The following PLCE1 variants were observed in gnomAD, a reference collection of about 807,000 sequenced individuals.
PLCE1 encodes the protein phospholipase C epsilon 1.
PLCE1 carries 119 observed loss-of-function variants against 242.8 expected under a neutral mutation model. The observed-to-expected ratio is 0.49, with a 90% CI of 0.42 to 0.57. The LOEUF is 0.57. PLCE1 is among the 20% of genes least tolerant of loss of function. The pLI is 0.00. For synonymous variants in PLCE1, 945 were observed against 1,017.4 expected, an observed-to-expected ratio of 0.93 and a Z score of 1.35; for missense variants, 2,441 against 2,788.8, an observed-to-expected ratio of 0.88 and a Z score of 2.81.
intron 1 of PLCE1, among the ~76,000 whole-genome samples, chr10:94,009,395 A>G (rs1017996930): frequency 6.6e-6 from 1 of 152,192 alleles, no homozygotes; most frequent in Admixed American, 6.5e-5. Context: ...CACCTCTAAT[A>G]TTAGAGGTCA....
intron 22 of PLCE1, among the ~76,000 whole-genome samples, chr10:94,287,947 A>G (rs2052517336): frequency 3.3e-5 from 5 of 151,916 alleles, no homozygotes; most frequent in Admixed American, 3.3e-4. Context: ...GGGTCCTTGG[A>G]AAGTATCTGA....
intron 8 of PLCE1, 132 bp from the exon 9 acceptor site, chr10:94,252,184 G>T: frequency 1.3e-6 from 1 of 752,086 alleles, no homozygotes; most frequent in Non-Finnish European, 2.3e-6. Context: ...AGTCACTTGG[G>T]TGGCCAGATC....
At chr10:94,017,540 T>C (rs1192192597) in intron 1 of PLCE1, among the ~76,000 whole-genome samples, 1 of 152,208 alleles carries the variant, frequency 6.6e-6, no homozygotes, top group Non-Finnish European at 1.5e-5. Flanking sequence ...TTTGATGTCA[T>C]TGATGGGCAT....
intron 1 of PLCE1, among the ~76,000 whole-genome samples, chr10:94,012,865 C>T (rs1423932353): frequency 2.0e-5 from 3 of 152,180 alleles, no homozygotes; most frequent in Non-Finnish European, 4.4e-5. Flanking sequence ...TTTCCTCTAT[C>T]CTTTATATTT....
intron 5 of PLCE1, among the ~76,000 whole-genome samples, chr10:94,233,186 T>A (rs2050201272): frequency 6.6e-6 from 1 of 152,194 alleles, no homozygotes; most frequent in South Asian, 2.1e-4. Context: ...CAGCAGGAGT[T>A]TCAGAATAGG....
intron 2 of PLCE1, among the ~76,000 whole-genome samples, chr10:94,042,772 A>G (rs7917353): frequency 0.4 from 60,906 of 151,980 alleles, 15,097 homozygotes; most frequent in African/African-American, 0.71. Flanking sequence ...AATGTTTTAC[A>G]GAATTGCTAT....
At chr10:94,308,103 C>T (rs2053266263) in intron 26 of PLCE1, among the ~76,000 whole-genome samples, 1 of 152,182 alleles carries the variant, frequency 6.6e-6, no homozygotes. Context: ...CAGTGAGCAA[C>T]CTTTCATGTT....
intron 32 of PLCE1, among the ~76,000 whole-genome samples, chr10:94,327,114 A>G (rs957338664): frequency 6.6e-6 from 1 of 151,788 alleles, no homozygotes; most frequent in African/African-American, 2.4e-5. Flanking sequence ...GTGAGCCGAG[A>G]TTGCGCCACT....
intron 18 of PLCE1, among the ~76,000 whole-genome samples, chr10:94,272,536 G>A (rs191903309): frequency 3.3e-5 from 5 of 152,188 alleles, no homozygotes; most frequent in East Asian, 1.9e-4. Flanking sequence ...CTGAGGTGAC[G>A]TACATTTTCA....
chr10:94,236,364 TA>T (rs1315433974), intron 7 of PLCE1, among the ~76,000 whole-genome samples: 5 of 147,192 alleles, frequency 3.4e-5, no homozygotes, highest in Admixed American at 6.8e-5. Flanking sequence ...GTTACCCCTT[TA>T]AAAAAAAAAC....
intron 4 of PLCE1, among the ~76,000 whole-genome samples, chr10:94,201,545 G>A (rs1358091615): frequency 2.6e-5 from 4 of 152,196 alleles, no homozygotes; most frequent in African/African-American, 7.2e-5. Flanking sequence ...GCATGATCTC[G>A]GCTCACTGCA....
chr10:94,295,943 G>C (rs1225710371), intron 23 of PLCE1, among the ~76,000 whole-genome samples: 1 of 152,210 alleles, frequency 6.6e-6, no homozygotes, highest in Non-Finnish European at 1.5e-5. Context: ...CAAGTCGCCA[G>C]CTGCATTAGC....
At chr10:94,303,393 A>T (rs1351130186) in intron 24 of PLCE1, among the ~76,000 whole-genome samples, 1 of 152,254 alleles carries the variant, frequency 6.6e-6, no homozygotes, top group African/African-American at 2.4e-5. Flanking sequence ...CAGTGCAAGA[A>T]TCCAATTGTT....
At chr10:94,241,321 A>G (rs2050496830) in intron 7 of PLCE1, among the ~76,000 whole-genome samples, 2 of 152,186 alleles carry the variant, frequency 1.3e-5, no homozygotes, top group Admixed American at 6.5e-5. Flanking sequence ...GCTTGACTTA[A>G]CTCAGAACTT....
At chr10:94,190,036 C>T (rs1440044723) in intron 4 of PLCE1, among the ~76,000 whole-genome samples, 5 of 152,214 alleles carry the variant, frequency 3.3e-5, no homozygotes, top group East Asian at 1.9e-4. Context: ...TGCAGTGGCT[C>T]ATGCCTATAA....
chr10:94,245,936 T>G lies in PLCE1; in HGVS notation c.2421-10T>G. On this transcript the variant is annotated splice_polypyrimidine_tract_variant and intron_variant, in intron 7 of 32. Coordinates refer to ENST00000371380, the MANE Select transcript of PLCE1 (RefSeq NM_016341.4). ...ATAAGACAAACCAAATTGGTGTTTC[T>G]TTCCTTAAGGTTTATAATTGGAGAT... The G allele has an allele frequency of 6.2e-7, 1 of 1,612,932 alleles. No individual in the cohort carries two copies.
intron 5 of PLCE1, among the ~76,000 whole-genome samples, chr10:94,232,741 C>A (rs1392343857): frequency 6.6e-6 from 1 of 152,178 alleles, no homozygotes; most frequent in Non-Finnish European, 1.5e-5. Flanking sequence ...ACAGCTCAAG[C>A]CCCACCTCTT....
rs1170141390 is a variant in PLCE1 at position 94,254,371 on chromosome 10, A to G, written c.3397+64A>G. 6.3e-6 allele frequency: 7 copies of G among 1,113,430 alleles called. No homozygotes were observed. In the Admixed American group the frequency reaches 1.0e-4, roughly 16 times the overall value. The allele number at this position is 1,113,430 out of a possible 1,614,324, so 69.0% of individuals were successfully genotyped here. A position where few individuals can be genotyped will look rare whatever the true frequency, so the allele number is the denominator to read the frequency against. ...AATTTTTGTGGGAAAAAAAGTATACATTTGGTTTTAAATTGTGATTTAAGC... is the reference window on the plus strand; with the variant it reads ...AATTTTTGTGGGAAAAAAAGTATACGTTTGGTTTTAAATTGTGATTTAAGC... On this transcript the variant is annotated intron_variant, in intron 10 of 32. Transcript: ENST00000371380.
intron 1 of PLCE1, among the ~76,000 whole-genome samples, chr10:94,029,653 G>A (rs1589880148): frequency 6.6e-6 from 1 of 152,124 alleles, no homozygotes; most frequent in African/African-American, 2.4e-5. Context: ...TATACTGGGA[G>A]CCTCTCACCC....
Sources: gnomAD v4.1 joint callset for allele counts (sites outside exome capture counted in the v4.1 genomes callset) on GRCh38, gnomAD v4.1.1 for gene constraint, MANE v1.5 for transcripts, NCBI Gene and HGNC (gene_info 2026-07-23, HGNC 2026-07-21) for gene names.